Variants in DOCK1 observed in about 807,000 individuals in gnomAD.
DOCK1 encodes dedicator of cytokinesis protein 1.
A neutral mutation model predicts 262.7 loss-of-function variants in DOCK1; 138 were observed. The observed-to-expected ratio is 0.53, with a 90% CI of 0.46 to 0.61. The LOEUF is 0.61. DOCK1 is among the 20% of genes least tolerant of loss of function. DOCK1 has a pLI of 0.00. For synonymous variants in DOCK1, 866 were observed against 867.4 expected (o/e 1.00, Z 0.03); for missense variants, 1,908 against 2,370.7 (o/e 0.80, Z 4.05).
chr10:126,981,852 T>C (rs980283733), intron 3 of DOCK1, 66 bp from the exon 4 acceptor site: 11 of 1,529,408 alleles, frequency 7.2e-6, no homozygotes, highest in African/African-American at 2.8e-5. Flanking sequence ...TTGGGAACTA[T>C]TGTTTGATTT....
intron 13 of DOCK1, 97 bp downstream of exon 13, chr10:127,018,932 G>T: frequency 6.5e-7 from 1 of 1,528,832 alleles, no homozygotes; most frequent in East Asian, 2.3e-5. Context: ...GCTCTGGCAA[G>T]GAAAGGGCTC....
chr10:127,024,664 T>A, intron 14 of DOCK1, 21 bp from the exon 15 acceptor site: 1 of 1,596,150 alleles, frequency 6.3e-7, no homozygotes. Flanking sequence ...TTACGTGAGC[T>A]CTTTATGTCT....
At chr10:127,417,633 T>G (rs1273483597) in intron 44 of DOCK1, among the ~76,000 whole-genome samples, 1 of 152,182 alleles carries the variant, frequency 6.6e-6, no homozygotes, top group South Asian at 2.1e-4. Flanking sequence ...CTGAATACAG[T>G]GGCTCAATCT....
At chr10:127,414,945 T>A (rs1434772801) in intron 43 of DOCK1, among the ~76,000 whole-genome samples, 2 of 152,220 alleles carry the variant, frequency 1.3e-5, no homozygotes, top group African/African-American at 2.4e-5. Context: ...AGGGGATACT[T>A]TGATGTATCC....
At chr10:126,983,716 T>C (rs963174470) in intron 4 of DOCK1, among the ~76,000 whole-genome samples, 1 of 152,224 alleles carries the variant, frequency 6.6e-6, no homozygotes, top group Non-Finnish European at 1.5e-5. Context: ...TTGCATTGAC[T>C]CTCGTGAAGG....
intron 29 of DOCK1, among the ~76,000 whole-genome samples, chr10:127,306,773 T>C (rs1229148951): frequency 6.6e-6 from 1 of 152,216 alleles, no homozygotes; most frequent in Non-Finnish European, 1.5e-5. Context: ...GTTTTTCAGC[T>C]ATTATGAAAC....
intron 1 of DOCK1, among the ~76,000 whole-genome samples, chr10:126,909,672 G>C (rs2031474106): frequency 6.6e-6 from 1 of 152,082 alleles, no homozygotes; most frequent in Non-Finnish European, 1.5e-5. Flanking sequence ...TACTTTCTTA[G>C]CCTTGGTTTT....
At chr10:127,388,078 G>A (rs573906058) in intron 38 of DOCK1, among the ~76,000 whole-genome samples, 2 of 152,096 alleles carry the variant, frequency 1.3e-5, no homozygotes, top group East Asian at 3.9e-4. Context: ...CAAAGAAATA[G>A]CCCAGAATCC....
intron 27 of DOCK1, among the ~76,000 whole-genome samples, chr10:127,196,534 C>T (rs1335018044): frequency 3.4e-5 from 5 of 147,408 alleles, no homozygotes; most frequent in South Asian, 2.1e-4. Flanking sequence ...GCGAGGGCGC[C>T]CCAAGCCGCG....
chr10:127,351,111 GT>G (rs1304130590), intron 31 of DOCK1, among the ~76,000 whole-genome samples: 2 of 152,174 alleles, frequency 1.3e-5, no homozygotes, highest in African/African-American at 2.4e-5. Context: ...AAGAAACCAG[GT>G]GCTAAGATTA....
At chr10:126,911,271 T>C (rs552811666) in intron 1 of DOCK1, among the ~76,000 whole-genome samples, 1 of 152,274 alleles carries the variant, frequency 6.6e-6, no homozygotes, top group Admixed American at 6.5e-5. Context: ...GAGTTTGCAT[T>C]TGCCTTGGTT....
At chr10:127,172,026 T>G (rs142957481) in intron 27 of DOCK1, among the ~76,000 whole-genome samples, 1 of 152,214 alleles carries the variant, frequency 6.6e-6, no homozygotes, top group Non-Finnish European at 1.5e-5. Context: ...TTTAACTTGG[T>G]CATTTGAGTT....
intron 1 of DOCK1, among the ~76,000 whole-genome samples, chr10:126,963,605 C>G (rs947972845): frequency 0.029 from 1,808 of 62,062 alleles, 49 homozygotes; most frequent in African/African-American, 0.15. Flanking sequence ...CTTCCCTTCC[C>G]TTCCCTTCCC....
chr10:127,332,534 C>T (rs2063030007), intron 29 of DOCK1, among the ~76,000 whole-genome samples: 1 of 152,250 alleles, frequency 6.6e-6, no homozygotes, highest in Non-Finnish European at 1.5e-5. Flanking sequence ...TATGCAGACT[C>T]CAGAGCCCCA....
In DOCK1 at chr10:127,444,586, G is replaced by A. The variant is rs79282670; in HGVS notation, c.5413+307G>A. On this transcript the variant is annotated intron_variant, in intron 50 of 51. Coordinates refer to ENST00000623213, the MANE Select transcript of DOCK1 (RefSeq NM_001290223.2). ...ACCACCACACTTTCTATCCCAGGAC[G>A]CAGAGCTGCAGGAGGCCGTGGGCCT... Among the ~76,000 whole-genome samples, 1,627 of 152,272 alleles carry A rather than the reference G, an allele frequency of 0.011. 53 individuals are homozygous for A. The East Asian group carries it at 0.12, about 11-fold the overall frequency.
At chr10:127,178,184 C>T (rs2055361389) in intron 27 of DOCK1, among the ~76,000 whole-genome samples, 1 of 152,236 alleles carries the variant, frequency 6.6e-6, no homozygotes. Context: ...CCAGCCTGGT[C>T]TTGTCACCTT....
At chr10:127,017,035 C>CCA (rs147295824) in intron 12 of DOCK1, among the ~76,000 whole-genome samples, 7,549 of 108,380 alleles carry the variant, frequency 0.07, 784 homozygotes, top group East Asian at 0.11. Context: ...GATACAGATA[C>CCA]CACACACACA....
intron 27 of DOCK1, among the ~76,000 whole-genome samples, chr10:127,178,121 T>C: frequency 6.6e-6 from 1 of 152,150 alleles, no homozygotes. Flanking sequence ...AGCCACCATC[T>C]AAAAGTAAGT....
At chr10:127,401,766 TC>T (rs1322640767) in intron 38 of DOCK1, among the ~76,000 whole-genome samples, 1 of 152,222 alleles carries the variant, frequency 6.6e-6, no homozygotes, top group Non-Finnish European at 1.5e-5. Flanking sequence ...CACCTGACTT[TC>T]CTGGTAGGGT....
Sources: gnomAD v4.1 joint callset for allele counts (sites outside exome capture counted in the v4.1 genomes callset) on GRCh38, gnomAD v4.1.1 for gene constraint, MANE v1.5 for transcripts, NCBI Gene and HGNC (gene_info 2026-07-23, HGNC 2026-07-21) for gene names.